The following AGAP1 variants were observed in gnomAD, a reference collection of about 807,000 sequenced individuals.
AGAP1 encodes ArfGAP with GTPase domain, ankyrin repeat and PH domain 1.
A neutral mutation model predicts 105.3 loss-of-function variants in AGAP1; 29 were observed. The ratio of observed to expected loss-of-function variants is 0.28; its 90% CI spans 0.21 to 0.38. AGAP1 has a LOEUF of 0.38. Among genes scored for constraint, AGAP1 ranks in the 10% least tolerant of loss-of-function variants. The pLI, the probability that AGAP1 is intolerant of heterozygous loss-of-function variation, is 1.00. For missense variants in AGAP1, 998 were observed against 1,165.1 expected (o/e 0.86, Z 2.09); for synonymous variants, 509 against 485.9 (o/e 1.05, Z -0.63).
At chr2:235,933,392 G>C (rs2052820873) in intron 12 of AGAP1, among the ~76,000 whole-genome samples, 1 of 152,156 alleles carries the variant, frequency 6.6e-6, no homozygotes, top group Non-Finnish European at 1.5e-5. Flanking sequence ...TGAGAGCCCA[G>C]CACTGCCAAA....
chr2:235,663,349 T>C lies in AGAP1; in HGVS notation c.164-45830T>C, dbSNP rs1321703232. On this transcript the variant is annotated intron_variant, in intron 1 of 17. Coordinates refer to ENST00000304032, the MANE Select transcript of AGAP1 (RefSeq NM_001037131.3). The surrounding 1 kb of genome is among the most constrained non-coding windows in gnomAD (Gnocchi z 5.4). The stretch of plus-strand genomic sequence containing the variant: ...GGAGCGATCACGTGCATCCCTCTGC[T>C]GAGATGGGAGCAGCAGCGTGGGGTT... Among the ~76,000 whole-genome samples, 1 of 152,148 alleles carries C rather than the reference T, an allele frequency of 6.6e-6. No individual in the cohort carries two copies. The highest frequency in any genetic ancestry group is 1.5e-5 in the Non-Finnish European group (1 of 68,014).
At chr2:236,007,615 G>T (rs66880965) in intron 13 of AGAP1, among the ~76,000 whole-genome samples, 37,201 of 151,944 alleles carry the variant, frequency 0.24, 5,510 homozygotes, top group South Asian at 0.35. Flanking sequence ...CAATTTTTTT[G>T]GAATTTTTGA....
intron 1 of AGAP1, among the ~76,000 whole-genome samples, chr2:235,594,296 T>G (rs930432023): frequency 6.6e-6 from 1 of 151,934 alleles, no homozygotes; most frequent in African/African-American, 2.4e-5. Flanking sequence ...GGGGTTTTTT[T>G]TTTTTCATAT....
intron 1 of AGAP1, among the ~76,000 whole-genome samples, chr2:235,643,153 C>T (rs1403977689): frequency 6.6e-6 from 1 of 151,980 alleles, no homozygotes; most frequent in Non-Finnish European, 1.5e-5. Context: ...TAAAGGATGG[C>T]CAGGTGCAGT....
At position 235,930,623 on chromosome 2, in the gene AGAP1, C is replaced by T. The variant is rs1011286291; in HGVS notation, c.1325-142C>T. 35 of 765,224 alleles carry T rather than the reference C, an allele frequency of 4.6e-5. No individual in the cohort carries two copies. The highest frequency in any genetic ancestry group is 6.1e-5 in the Admixed American group (2 of 33,034). 47.4% of individuals were successfully genotyped at this position (765,224 alleles called of 1,614,324 possible). A position where few individuals can be genotyped will look rare whatever the true frequency, so the allele number is the denominator to read the frequency against. ...CCGAATAGTTTCTGTCTGGCGCTTCCGTTTGCCATGCAGGCAGGACAGGGG... is the reference window on the plus strand; with the variant it reads ...CCGAATAGTTTCTGTCTGGCGCTTCTGTTTGCCATGCAGGCAGGACAGGGG... On this transcript the variant is annotated intron_variant, in intron 11 of 17. Coordinates refer to ENST00000304032, the MANE Select transcript of AGAP1 (RefSeq NM_001037131.3). This position sits in a 1 kb window ranked among gnomAD's most constrained non-coding sequence, Gnocchi z 7.9.
Position 235,961,664 on chromosome 2 carries a change from C to G in AGAP1, c.1484-6798C>G, listed in dbSNP as rs1357339440. 6.6e-6 allele frequency among the ~76,000 whole-genome samples: 1 copy of G among 152,172 alleles called. No homozygotes were observed. ...GTGGCTCATGCCTATAATCCCAGCACTTTGGGAGGCCAAGGCGGATGGATC... is the reference window on the plus strand; with the variant it reads ...GTGGCTCATGCCTATAATCCCAGCAGTTTGGGAGGCCAAGGCGGATGGATC... On this transcript the variant is annotated intron_variant, in intron 12 of 17. Transcript: ENST00000304032. This position sits in a 1 kb window ranked among gnomAD's most constrained non-coding sequence, Gnocchi z 5.9.
chr2:236,103,624 C>T (rs2059414325), intron 16 of AGAP1, among the ~76,000 whole-genome samples: 1 of 151,106 alleles, frequency 6.6e-6, no homozygotes. Flanking sequence ...AGCCGGAGTG[C>T]AATGGCGTGG....
intron 1 of AGAP1, among the ~76,000 whole-genome samples, chr2:235,562,786 G>T (rs1245046222): frequency 6.6e-6 from 1 of 152,152 alleles, no homozygotes; most frequent in African/African-American, 2.4e-5. Flanking sequence ...GGCTGGTGTC[G>T]CGGCTCATGC....
chr2:236,073,513 GATATTGGAT>G lies in AGAP1; in HGVS notation c.2114+24233_2114+24241del, dbSNP rs1266298447. Among the ~76,000 whole-genome samples the G allele has an allele frequency of 6.6e-6, 1 of 152,170 alleles. No individual in the cohort carries two copies. The highest frequency in any genetic ancestry group is 1.9e-4 in the East Asian group (1 of 5,194). On this transcript the variant is annotated intron_variant, in intron 16 of 17. Coordinates refer to ENST00000304032, the MANE Select transcript of AGAP1 (RefSeq NM_001037131.3). The surrounding 1 kb of genome is among the most constrained non-coding windows in gnomAD (Gnocchi z 5.4). Reference sequence around the variant, plus strand: ...GCTTGCAAAACAGCTGGGGACTGGAGATATTGGATTATACCATCTTGGTGTTGCGCCAGT... The same window carrying G: ...GCTTGCAAAACAGCTGGGGACTGGAGTATACCATCTTGGTGTTGCGCCAGT...
Position 235,732,456 on chromosome 2 carries a change from G to A in AGAP1, c.311-8507G>A, listed in dbSNP as rs1318833885. 2.6e-5 allele frequency among the ~76,000 whole-genome samples: 4 copies of A among 152,080 alleles called. No individual in the cohort carries two copies. Among genetic ancestry groups the A allele is most frequent in the South Asian group, 2.1e-4 (1 of 4,826 alleles). On this transcript the variant is annotated intron_variant, in intron 3 of 17. Coordinates refer to ENST00000304032, the MANE Select transcript of AGAP1 (RefSeq NM_001037131.3). The surrounding 1 kb of genome is among the most constrained non-coding windows in gnomAD (Gnocchi z 4.8). ...TCAAATTCTCATACTGGAGGTTCTCGTCTCCTGGAATGGCTGTTCTTTCTT... is the reference window on the plus strand; with the variant it reads ...TCAAATTCTCATACTGGAGGTTCTCATCTCCTGGAATGGCTGTTCTTTCTT...
intron 1 of AGAP1, among the ~76,000 whole-genome samples, chr2:235,544,350 G>C (rs962707505): frequency 1.3e-5 from 2 of 152,148 alleles, no homozygotes; most frequent in African/African-American, 4.8e-5. Flanking sequence ...CGTTGCTTAC[G>C]AGGTTCTGAG....
Position 235,930,215 on chromosome 2 carries a change from A to T in AGAP1, c.1325-550A>T, listed in dbSNP as rs557916093. The stretch of plus-strand genomic sequence containing the variant: ...TCTGCTTAGTCTTTTCAAGGTTAAG[A>T]GTAAACTTATCTGGTTGAAGAGCCT... On this transcript the variant is annotated intron_variant, in intron 11 of 17. Transcript: ENST00000304032. This position sits in a 1 kb window ranked among gnomAD's most constrained non-coding sequence, Gnocchi z 7.9. Among the ~76,000 whole-genome samples the T allele has an allele frequency of 6.6e-6, 1 of 152,354 alleles. No homozygotes were observed. Among genetic ancestry groups the T allele is most frequent in the South Asian group, 2.1e-4 (1 of 4,828 alleles).
intron 6 of AGAP1, among the ~76,000 whole-genome samples, chr2:235,776,281 G>T (rs191124800): frequency 3.5e-3 from 536 of 152,198 alleles, no homozygotes; most frequent in Non-Finnish European, 6.1e-3. Context: ...GACTGGTGTT[G>T]CCTCCTCCCT....
At chr2:235,819,193 G>A (rs1436606464) in intron 9 of AGAP1, among the ~76,000 whole-genome samples, 1 of 149,748 alleles carries the variant, frequency 6.7e-6, no homozygotes, top group Non-Finnish European at 1.5e-5. Flanking sequence ...TTGGCTCACT[G>A]TAACCTCTGC....
rs540898201 is a variant in AGAP1 at position 236,072,845 on chromosome 2, C to T, written c.2114+23564C>T. ...CTGTCCAGCTGAACTATACCAGGAG[C>T]CATATGTGTTGTTTTAAATTTTCTA... On this transcript the variant is annotated intron_variant, in intron 16 of 17. Transcript: ENST00000304032. Among the ~76,000 whole-genome samples, 4 of 151,956 alleles carry T rather than the reference C, an allele frequency of 2.6e-5. No individual in the cohort carries two copies. The East Asian group carries it at 7.7e-4, about 29-fold the overall frequency.
chr2:235,730,137 C>T (rs140940757), intron 3 of AGAP1, among the ~76,000 whole-genome samples: 2 of 152,228 alleles, frequency 1.3e-5, no homozygotes, highest in Non-Finnish European at 2.9e-5. Flanking sequence ...TTTACATACT[C>T]ACTTCCTGAA....
chr2:236,017,187 G>A (rs1422191422), intron 13 of AGAP1, among the ~76,000 whole-genome samples: 1 of 151,794 alleles, frequency 6.6e-6, no homozygotes. Context: ...CAGCTACTCA[G>A]GAGGCTGAGG....
chr2:235,508,410 G>C (rs927244313), intron 1 of AGAP1, among the ~76,000 whole-genome samples: 1 of 152,354 alleles, frequency 6.6e-6, no homozygotes, highest in Non-Finnish European at 1.5e-5. Flanking sequence ...TCTCTCCGCA[G>C]TTCGCAGCTC....
intron 1 of AGAP1, among the ~76,000 whole-genome samples, chr2:235,543,105 C>T (rs1167234631): frequency 7.3e-6 from 1 of 137,842 alleles, no homozygotes; most frequent in Non-Finnish European, 1.6e-5. Flanking sequence ...CCTCCCCCCC[C>T]CCCGCCCCCT....
Sources: gnomAD v4.1 joint callset for allele counts (sites outside exome capture counted in the v4.1 genomes callset) on GRCh38, gnomAD v4.1.1 for gene constraint, Gnocchi (gnomAD v3.1) non-coding constraint, MANE v1.5 for transcripts, NCBI Gene and HGNC (gene_info 2026-07-23, HGNC 2026-07-21) for gene names.